Variants in SPATA6 observed in about 807,000 individuals in gnomAD.
The protein encoded by SPATA6 is spermatogenesis associated 6, also known as spermatogenesis-associated protein 6.
Under a neutral mutation model 65.3 loss-of-function variants are expected in SPATA6, and 56 were observed. The observed-to-expected ratio is 0.86, with a 90% CI of 0.69 to 1.07. The LOEUF (loss-of-function observed/expected upper bound fraction) is 1.07. SPATA6 is among the 50% of genes least tolerant of loss of function. The pLI is 0.00. For synonymous variants in SPATA6, 199 were observed against 213.2 expected, an observed-to-expected ratio of 0.93 and a Z score of 0.58; for missense variants, 590 against 594.8, an observed-to-expected ratio of 0.99 and a Z score of 0.08.
chr1:48,436,548 T>A (rs902265920), intron 3 of SPATA6: 1 of 1,612,386 alleles, frequency 6.2e-7, no homozygotes, highest in African/African-American at 1.3e-5. Context: ...TCATTTCTGG[T>A]GATGGCCTAG....
intron 5 of SPATA6, 115 bp from the exon 6 acceptor site, chr1:48,403,997 G>C: frequency 1.4e-6 from 1 of 694,586 alleles, no homozygotes. Context: ...CTGTTTCACT[G>C]TTAGTTTGAA....
chr1:48,332,012 T>G (rs1410706386), intron 11 of SPATA6, among the ~76,000 whole-genome samples: 1 of 152,140 alleles, frequency 6.6e-6, no homozygotes, highest in East Asian at 1.9e-4. Context: ...CATTTTCAAT[T>G]TGATCCTATT....
chr1:48,306,554 T>C (rs1294277525), intron 11 of SPATA6, among the ~76,000 whole-genome samples: 1 of 151,994 alleles, frequency 6.6e-6, no homozygotes, highest in Non-Finnish European at 1.5e-5. Flanking sequence ...GTATATAATT[T>C]AATACCAAAT....
At chr1:48,434,761 C>T (rs2148072810) in intron 3 of SPATA6, among the ~76,000 whole-genome samples, 1 of 152,122 alleles carries the variant, frequency 6.6e-6, no homozygotes, top group South Asian at 2.1e-4. Flanking sequence ...AGATGAAAAT[C>T]CAGTTTCAAC....
At chr1:48,314,785 A>G (rs990854479) in intron 11 of SPATA6, among the ~76,000 whole-genome samples, 3 of 152,220 alleles carry the variant, frequency 2.0e-5, no homozygotes, top group African/African-American at 7.2e-5. Flanking sequence ...CAAAATTGAT[A>G]GACCGCTAGC....
At chr1:48,294,328 C>T (rs1188909523), downstream of SPATA6, among the ~76,000 whole-genome samples, 4 of 152,148 alleles carry the variant, frequency 2.6e-5, no homozygotes, top group Non-Finnish European at 5.9e-5. Context: ...CCGTCCACCT[C>T]GGCCACCCAA....
intron 3 of SPATA6, among the ~76,000 whole-genome samples, chr1:48,439,883 C>T (rs1469503472): frequency 6.6e-6 from 1 of 152,120 alleles, no homozygotes. Flanking sequence ...GAAAAAATGA[C>T]CACCTGAGGA....
At chr1:48,439,493 G>A (rs538716619) in intron 3 of SPATA6, among the ~76,000 whole-genome samples, 8 of 152,098 alleles carry the variant, frequency 5.3e-5, no homozygotes, top group African/African-American at 1.7e-4. Flanking sequence ...TTCTGCTGCT[G>A]CATCAGTGAG....
intron 11 of SPATA6, among the ~76,000 whole-genome samples, chr1:48,313,488 A>C (rs928792229): frequency 1.3e-5 from 2 of 152,206 alleles, no homozygotes; most frequent in African/African-American, 4.8e-5. Context: ...ACAGACAAGC[A>C]AATGCTGAGA....
At chr1:48,362,703 G>C (rs951995566) in intron 9 of SPATA6, among the ~76,000 whole-genome samples, 1 of 152,066 alleles carries the variant, frequency 6.6e-6, no homozygotes, top group Non-Finnish European at 1.5e-5. Context: ...TCTTAATGGT[G>C]CAGGTCTCAC....
intron 11 of SPATA6, among the ~76,000 whole-genome samples, chr1:48,333,172 T>G (rs72891589): frequency 0.025 from 3,739 of 152,226 alleles, 99 homozygotes; most frequent in African/African-American, 0.067. Context: ...CATCCAATCA[T>G]CTACCAGTGC....
intron 1 of SPATA6, among the ~76,000 whole-genome samples, chr1:48,468,067 T>C (rs1657948344): frequency 6.6e-6 from 1 of 152,226 alleles, no homozygotes; most frequent in Non-Finnish European, 1.5e-5. Flanking sequence ...CTTCTGGGTA[T>C]GTATCCAAAG....
chr1:48,343,182 T>C (rs1385045837), intron 11 of SPATA6, among the ~76,000 whole-genome samples: 1 of 152,148 alleles, frequency 6.6e-6, no homozygotes, highest in Non-Finnish European at 1.5e-5. Flanking sequence ...GGGACTCATC[T>C]ATGTGGCCTA....
the SPATA6 span, among the ~76,000 whole-genome samples, chr1:48,286,573 T>C: frequency 6.6e-6 from 1 of 152,222 alleles, no homozygotes; most frequent in Non-Finnish European, 1.5e-5. Context: ...AGGCTTTCTA[T>C]ATATATGATC....
At chr1:48,407,756 T>A (rs1399874418) in intron 5 of SPATA6, among the ~76,000 whole-genome samples, 1 of 152,210 alleles carries the variant, frequency 6.6e-6, no homozygotes, top group African/African-American at 2.4e-5. Context: ...GAACTCTCAA[T>A]CTCTTCAAAC....
intron 3 of SPATA6, chr1:48,447,944 A>G (rs1656211483): frequency 6.6e-6 from 1 of 152,158 alleles, no homozygotes; most frequent in African/African-American, 2.4e-5. Context: ...TAAGCTTTGC[A>G]CATTGGCAGT....
At chr1:48,396,932 A>G (rs1650649154) in intron 7 of SPATA6, among the ~76,000 whole-genome samples, 1 of 151,700 alleles carries the variant, frequency 6.6e-6, no homozygotes, top group South Asian at 2.1e-4. Flanking sequence ...TATAATATAT[A>G]TAACCACAAT....
At chr1:48,372,514 G>T (rs1326163647) in intron 9 of SPATA6, among the ~76,000 whole-genome samples, 1 of 152,192 alleles carries the variant, frequency 6.6e-6, no homozygotes, top group African/African-American at 2.4e-5. Flanking sequence ...GGCTGGCATT[G>T]TGTCTGTGGC....
intron 11 of SPATA6, among the ~76,000 whole-genome samples, chr1:48,329,000 T>C (rs760009044): frequency 3.3e-5 from 5 of 152,148 alleles, no homozygotes; most frequent in Non-Finnish European, 7.4e-5. Flanking sequence ...TAAGAGTACA[T>C]ATTCTTAACA....
Sources: allele counts gnomAD v4.1 joint callset (sites outside exome capture counted in the v4.1 genomes callset), GRCh38; gene constraint gnomAD v4.1.1; transcripts MANE v1.5; gene names NCBI Gene and HGNC (gene_info 2026-07-23, HGNC 2026-07-21).